EPHA3: variants seen among roughly 807,000 people sequenced by gnomAD.
EPHA3 encodes ephrin type-A receptor 3.
In EPHA3, 42 loss-of-function variants were observed where a neutral mutation model predicts 107.1. The observed-to-expected ratio is 0.39, with a 90% CI of 0.31 to 0.51. EPHA3 has a LOEUF of 0.51. EPHA3 is among the 20% of genes least tolerant of loss of function. The probability of loss-of-function intolerance (pLI) is 0.78; values close to 1 mark genes in which losing one functional copy is unlikely to be tolerated. For synonymous variants in EPHA3, 461 were observed against 424.8 expected, an observed-to-expected ratio of 1.09 and a Z score of -1.05; for missense variants, 1,183 against 1,211.2, an observed-to-expected ratio of 0.98 and a Z score of 0.35.
rs1018242046 is a variant in EPHA3, at chr3:89,481,755, C to G, written c.*2253C>G. The G allele has an allele frequency of 4.3e-6, 1 of 231,848 alleles. No homozygotes were observed. Among genetic ancestry groups the G allele is most frequent in the African/African-American group, 2.2e-5 (1 of 45,238 alleles). 14.4% of individuals were successfully genotyped at this position (231,848 alleles called of 1,614,324 possible). ...CATATGTAAACATAAGTGTACGATT[C>G]TTAACCATGGAGTAGAGGTACTAGA... is the stretch of plus-strand genomic sequence containing the variant. On this transcript the variant is annotated 3_prime_UTR_variant, in exon 17 of 17. Transcript: ENST00000336596.
At chr3:89,220,549 T>C (rs1704348223) in intron 3 of EPHA3, among the ~76,000 whole-genome samples, 1 of 152,088 alleles carries the variant, frequency 6.6e-6, no homozygotes, top group Non-Finnish European at 1.5e-5. Flanking sequence ...GTCTAAGAAC[T>C]CAGAATGCGA....
At chr3:89,408,845 AG>A (rs1709104604) in intron 9 of EPHA3, among the ~76,000 whole-genome samples, 1 of 152,096 alleles carries the variant, frequency 6.6e-6, no homozygotes, top group Non-Finnish European at 1.5e-5. Context: ...ATTAGTACAA[AG>A]ACTGTACTCA....
rs1402430778 is a variant in EPHA3 at position 89,154,273 on chromosome 3, T to TG, written c.153+27000_153+27001insG. 3.8e-3 allele frequency among the ~76,000 whole-genome samples: 552 copies of TG among 144,708 alleles called. 2 individuals carry two copies. Among genetic ancestry groups the TG allele is most frequent in the African/African-American group, 0.011 (426 of 39,844 alleles). The allele number at this position is 144,708 out of a possible 152,430, so 94.9% of individuals were successfully genotyped here. On this transcript the variant is annotated intron_variant, in intron 2 of 16. Coordinates refer to ENST00000336596, the MANE Select transcript of EPHA3 (RefSeq NM_005233.6). ...CTTGTTTTTTGGGTTTTTGTTTGTT[T>TG]TTTTTTTTTTTTATTTTTATTTCTC...
chr3:89,240,345 A>C (rs1704865795), intron 3 of EPHA3, among the ~76,000 whole-genome samples: 1 of 152,202 alleles, frequency 6.6e-6, no homozygotes, highest in African/African-American at 2.4e-5. Context: ...AATGCAATTA[A>C]GACTAGTAGA....
rs1469427775 is a variant in EPHA3 at position 89,210,152 on chromosome 3, A to G, written c.446A>G (p.Asp149Gly). Residue 149 changes from aspartate (D) to glycine (G), a missense_variant, in exon 3 of 17, where the codon GAT becomes GGT. By Grantham distance (94) the Asp-to-Gly change is moderately conservative (BLOSUM62 -1). Coordinates refer to ENST00000336596, the MANE Select transcript of EPHA3 (RefSeq NM_005233.6). ...ACAAAGATTGACACCATTGCAGCTG[A>G]TGAAAGTTTCACTCAAATGGATCTT... ...QFTKIDTIAA[D>G]ESFTQMDLGD... The G allele has an allele frequency of 1.9e-6, 3 of 1,614,014 alleles. No homozygotes were observed. The highest frequency in any genetic ancestry group is 2.5e-6 in the Non-Finnish European group (3 of 1,179,916).
At chr3:89,165,394 A>C (rs1705039475) in intron 2 of EPHA3, among the ~76,000 whole-genome samples, 1 of 152,218 alleles carries the variant, frequency 6.6e-6, no homozygotes, top group Non-Finnish European at 1.5e-5. Context: ...ACTTTTCGTA[A>C]TAATTATTTT....
chr3:89,418,518 T>A (rs1264123745), intron 10 of EPHA3, among the ~76,000 whole-genome samples: 1 of 151,456 alleles, frequency 6.6e-6, no homozygotes, highest in Non-Finnish European at 1.5e-5. Context: ...ACACTCTATA[T>A]GGGACAAATT....
chr3:89,265,444 A>G (rs1421443953), intron 3 of EPHA3, among the ~76,000 whole-genome samples: 2 of 152,150 alleles, frequency 1.3e-5, no homozygotes, highest in Non-Finnish European at 2.9e-5. Context: ...GCTCCTTCAA[A>G]AACTTTTATT....
At chr3:89,167,107 AT>A (rs1173015854) in intron 2 of EPHA3, among the ~76,000 whole-genome samples, 1 of 152,178 alleles carries the variant, frequency 6.6e-6, no homozygotes, top group Non-Finnish European at 1.5e-5. Context: ...TGGAAAAAAA[AT>A]GATGAAAACT....
rs1559603073 is a variant in EPHA3, at chr3:89,211,805, TCTTCTTCTTCTTCTC to T, written c.814+1291_814+1305del. On this transcript the variant is annotated intron_variant, in intron 3 of 16. Coordinates refer to ENST00000336596, the MANE Select transcript of EPHA3 (RefSeq NM_005233.6). ...TTCTTCTTCTTCTTCTTCTTCTTCT[TCTTCTTCTTCTTCTC>T]CTTCTCCTCCTCCTCCTCTTTCTTT... is the stretch of plus-strand genomic sequence containing the variant. 7.5e-3 allele frequency among the ~76,000 whole-genome samples: 718 copies of T among 95,546 alleles called. 7 individuals carry two copies. The highest frequency in any genetic ancestry group is 0.026 in the African/African-American group (538 of 20,772). The allele number at this position is 95,546 out of a possible 152,430, so 62.7% of individuals were successfully genotyped here. A position where few individuals can be genotyped will look rare whatever the true frequency, so the allele number is the denominator to read the frequency against.
chr3:89,275,007 T>C (rs1343127911), intron 3 of EPHA3, among the ~76,000 whole-genome samples: 1 of 152,054 alleles, frequency 6.6e-6, no homozygotes, highest in Non-Finnish European at 1.5e-5. Context: ...TCCATAGACA[T>C]TAATACTTTC....
chr3:89,238,259 T>C (rs1277974208), intron 3 of EPHA3, among the ~76,000 whole-genome samples: 1 of 152,124 alleles, frequency 6.6e-6, no homozygotes, highest in Non-Finnish European at 1.5e-5. Flanking sequence ...TATGTGAAAA[T>C]AATTTCTATT....
At chr3:89,472,760 G>T in intron 16 of EPHA3, 141 bp downstream of exon 16, 1 of 906,528 alleles carries the variant, frequency 1.1e-6, no homozygotes, top group South Asian at 1.8e-5. Flanking sequence ...GCCTGGAACT[G>T]CTAATCAGGG....
chr3:89,227,484 C>T (rs1704528196), intron 3 of EPHA3, among the ~76,000 whole-genome samples: 1 of 151,918 alleles, frequency 6.6e-6, no homozygotes, highest in South Asian at 2.1e-4. Context: ...AAGTAAAGAA[C>T]TTGTACGTTA....
intron 3 of EPHA3, among the ~76,000 whole-genome samples, chr3:89,286,943 A>C (rs151011832): frequency 1.1e-4 from 16 of 152,200 alleles, no homozygotes; most frequent in African/African-American, 3.9e-4. Flanking sequence ...CTACCTGAAA[A>C]TACCTTATTT....
chr3:89,449,963 T>G (rs1191510204), intron 14 of EPHA3, among the ~76,000 whole-genome samples: 2 of 152,194 alleles, frequency 1.3e-5, no homozygotes, highest in Non-Finnish European at 2.9e-5. Flanking sequence ...TTTCCTAAAT[T>G]TATGTTATTT....
intron 3 of EPHA3, among the ~76,000 whole-genome samples, chr3:89,226,953 T>C (rs529826545): frequency 1.3e-5 from 2 of 152,136 alleles, no homozygotes; most frequent in South Asian, 4.1e-4. Flanking sequence ...TAGATGGTGA[T>C]GTGTCTATGA....
At chr3:89,302,367 C>A (rs1706511988) in intron 3 of EPHA3, among the ~76,000 whole-genome samples, 1 of 152,036 alleles carries the variant, frequency 6.6e-6, no homozygotes, top group Non-Finnish European at 1.5e-5. Flanking sequence ...TGTCTTTATA[C>A]TTTATTCTGG....
At chr3:89,164,493 C>T (rs1412921396) in intron 2 of EPHA3, among the ~76,000 whole-genome samples, 1 of 152,182 alleles carries the variant, frequency 6.6e-6, no homozygotes, top group East Asian at 1.9e-4. Context: ...ACCTGTGTCA[C>T]ACCTGACATC....
Sources: allele counts gnomAD v4.1 joint callset (sites outside exome capture counted in the v4.1 genomes callset), GRCh38; gene constraint gnomAD v4.1.1; transcripts MANE v1.5; gene names NCBI Gene and HGNC (gene_info 2026-07-23, HGNC 2026-07-21).